The following CDH18 variants were observed in gnomAD, a reference collection of about 807,000 sequenced individuals.
The protein encoded by CDH18 is cadherin 18, also known as cadherin-18.
In CDH18, 31 loss-of-function variants were observed where a neutral mutation model predicts 67.9. The ratio of observed to expected loss-of-function variants is 0.46; its 90% CI spans 0.34 to 0.62. The LOEUF (loss-of-function observed/expected upper bound fraction) is 0.62. CDH18 is among the 20% of genes least tolerant of loss of function. The pLI, the probability that CDH18 is intolerant of heterozygous loss-of-function variation, is 0.01. For synonymous variants in CDH18, 362 were observed against 347.2 expected (o/e 1.04, Z -0.48); for missense variants, 890 against 975.5 (o/e 0.91, Z 1.17).
chr5:19,782,366 G>A (rs546132889), intron 3 of CDH18, among the ~76,000 whole-genome samples: 6 of 152,108 alleles, frequency 3.9e-5, no homozygotes, highest in Non-Finnish European at 8.8e-5. Flanking sequence ...ACCTGGTTCC[G>A]CCCTTGACAC....
In CDH18 at chr5:20,050,127, C is replaced by A. The variant is rs1302598332; in HGVS notation, c.-517-58113G>T. Among the ~76,000 whole-genome samples, 42 of 151,804 alleles carry A rather than the reference C, an allele frequency of 2.8e-4. 1 individual carries two copies. Among genetic ancestry groups the A allele is most frequent in the Admixed American group, 2.8e-3 (42 of 15,188 alleles). On this transcript the variant is annotated intron_variant, in intron 2 of 14. Coordinates refer to the CDH18 transcript ENST00000507958. ...TACTTATAGATATGAGGGTAACCCT[C>A]CTGACTGCCACAGGATAGATCACAT...
intron 2 of CDH18, among the ~76,000 whole-genome samples, chr5:20,109,891 G>A: frequency 6.6e-6 from 1 of 152,148 alleles, no homozygotes; most frequent in East Asian, 1.9e-4. Flanking sequence ...TCAGGAATTT[G>A]AAGTAAAGTC....
At chr5:19,940,091 A>G (rs1030499954) in intron 2 of CDH18, among the ~76,000 whole-genome samples, 1 of 151,874 alleles carries the variant, frequency 6.6e-6, no homozygotes, top group African/African-American at 2.4e-5. Flanking sequence ...TTATGTATAT[A>G]GAGACCAGTA....
intron 2 of CDH18, among the ~76,000 whole-genome samples, chr5:19,867,410 A>C (rs1785674310): frequency 6.6e-6 from 1 of 152,222 alleles, no homozygotes; most frequent in African/African-American, 2.4e-5. Context: ...AATAAAGCAA[A>C]ATAGAAATAT....
chr5:19,674,304 T>C (rs1298391460), intron 5 of CDH18, among the ~76,000 whole-genome samples: 2 of 152,096 alleles, frequency 1.3e-5, no homozygotes, highest in Non-Finnish European at 2.9e-5. Flanking sequence ...CAAAAATTTA[T>C]TGTGAAACCA....
chr5:20,489,079 T>C (rs1041160714), intron 1 of CDH18, among the ~76,000 whole-genome samples: 2 of 152,056 alleles, frequency 1.3e-5, no homozygotes, highest in African/African-American at 4.8e-5. Context: ...AAAATCTATT[T>C]TCATATCTCT....
chr5:19,998,154 A>G (rs1047048662), intron 2 of CDH18, among the ~76,000 whole-genome samples: 23 of 152,210 alleles, frequency 1.5e-4, no homozygotes, highest in Admixed American at 4.6e-4. Context: ...CCCCGCTGGC[A>G]AAGTGGCCAA....
intron 2 of CDH18, among the ~76,000 whole-genome samples, chr5:20,053,186 A>C (rs1402794748): frequency 6.6e-6 from 1 of 151,898 alleles, no homozygotes; most frequent in Non-Finnish European, 1.5e-5. Flanking sequence ...CTTTTAAAAT[A>C]AGGTATCTAT....
At chr5:20,454,923 A>T (rs528830156) in intron 1 of CDH18, among the ~76,000 whole-genome samples, 133 of 152,216 alleles carry the variant, frequency 8.7e-4, no homozygotes, top group Non-Finnish European at 1.4e-3. Context: ...TTGCCTGCTG[A>T]GGACATATGA....
intron 1 of CDH18, among the ~76,000 whole-genome samples, chr5:20,288,809 C>T (rs1318031450): frequency 1.3e-5 from 2 of 151,828 alleles, no homozygotes; most frequent in Non-Finnish European, 2.9e-5. Context: ...TGAAATAGTA[C>T]AGATTGTATT....
chr5:19,689,005 G>T (rs1761493039), intron 5 of CDH18, among the ~76,000 whole-genome samples: 1 of 151,926 alleles, frequency 6.6e-6, no homozygotes. Context: ...GTTTTTAAAA[G>T]AATACACAAA....
At chr5:19,495,898 G>A (rs1242743455) in intron 11 of CDH18, among the ~76,000 whole-genome samples, 1 of 152,106 alleles carries the variant, frequency 6.6e-6, no homozygotes, top group African/African-American at 2.4e-5. Context: ...GAACTAAGAA[G>A]AGGCTGGGAT....
chr5:19,887,760 C>G (rs1365673001), intron 2 of CDH18, among the ~76,000 whole-genome samples: 1 of 150,776 alleles, frequency 6.6e-6, no homozygotes, highest in African/African-American at 2.4e-5. Context: ...TTTGTAAAGA[C>G]TGGGTCTCAC....
At chr5:20,113,631 C>G (rs1205025839) in intron 2 of CDH18, among the ~76,000 whole-genome samples, 1 of 152,180 alleles carries the variant, frequency 6.6e-6, no homozygotes, top group Admixed American at 6.5e-5. Context: ...TTAACAATGA[C>G]AGCCTCATAG....
intron 1 of CDH18, among the ~76,000 whole-genome samples, chr5:20,256,328 T>C (rs1333578763): frequency 6.6e-6 from 1 of 152,092 alleles, no homozygotes; most frequent in Non-Finnish European, 1.5e-5. Flanking sequence ...GCTTATTCTC[T>C]GACCTTCTTA....
intron 2 of CDH18, among the ~76,000 whole-genome samples, chr5:20,012,154 T>G (rs995416886): frequency 2.6e-4 from 40 of 151,916 alleles, no homozygotes; most frequent in Admixed American, 4.6e-4. Context: ...TTCTTCCTGG[T>G]TCAGTCTTGG....
intron 2 of CDH18, among the ~76,000 whole-genome samples, chr5:19,971,660 T>C (rs1373079341): frequency 6.6e-6 from 1 of 151,728 alleles, no homozygotes; most frequent in Non-Finnish European, 1.5e-5. Flanking sequence ...TATGGACACA[T>C]AGAGGAGAAC....
At chr5:20,381,732 C>CA (rs1444368400) in intron 1 of CDH18, among the ~76,000 whole-genome samples, 1 of 151,896 alleles carries the variant, frequency 6.6e-6, no homozygotes, top group African/African-American at 2.4e-5. Context: ...CCCTGAGAGT[C>CA]AAAAAACAAT....
At chr5:20,176,452 C>T (rs1435493776) in intron 2 of CDH18, among the ~76,000 whole-genome samples, 2 of 152,224 alleles carry the variant, frequency 1.3e-5, no homozygotes, top group South Asian at 2.1e-4. Context: ...CTTCTAATGA[C>T]TGCATAGTTA....
Sources: allele counts gnomAD v4.1 joint callset (sites outside exome capture counted in the v4.1 genomes callset), GRCh38; gene constraint gnomAD v4.1.1; transcripts MANE v1.5; gene names NCBI Gene and HGNC (gene_info 2026-07-23, HGNC 2026-07-21).